Variants in CSTPP1 observed in about 807,000 individuals in gnomAD.
CSTPP1 encodes the protein centriolar satellite-associated tubulin polyglutamylase complex regulator 1.
the CSTPP1 span, among the ~76,000 whole-genome samples, chr11:46,942,178 A>C: frequency 1.3e-5 from 2 of 152,170 alleles, no homozygotes; most frequent in African/African-American, 2.4e-5. Flanking sequence ...TGTAGTGATA[A>C]AAATTGTGTT....
At chr11:47,084,748 C>T in the CSTPP1 span, among the ~76,000 whole-genome samples, 1 of 152,050 alleles carries the variant, frequency 6.6e-6, no homozygotes, top group Non-Finnish European at 1.5e-5. Context: ...TATTCTGTTC[C>T]ATTGATCTAA....
At chr11:46,993,412 C>T in the CSTPP1 span, among the ~76,000 whole-genome samples, 1 of 150,158 alleles carries the variant, frequency 6.7e-6, no homozygotes, top group Non-Finnish European at 1.5e-5. Flanking sequence ...GGTTTTAGGT[C>T]TGACATTTAA....
the CSTPP1 span, among the ~76,000 whole-genome samples, chr11:46,946,169 G>A: frequency 6.6e-6 from 1 of 152,222 alleles, no homozygotes; most frequent in Non-Finnish European, 1.5e-5. Context: ...GCAGAGTGAT[G>A]TCAGTGTTAT....
chr11:47,061,676 C>T, the CSTPP1 span, among the ~76,000 whole-genome samples: 2 of 152,202 alleles, frequency 1.3e-5, no homozygotes, highest in African/African-American at 4.8e-5. Flanking sequence ...CTGCTCCAGC[C>T]AGTGCATCTC....
chr11:47,103,316 C>G, the CSTPP1 span, among the ~76,000 whole-genome samples: 1 of 151,326 alleles, frequency 6.6e-6, no homozygotes, highest in Non-Finnish European at 1.5e-5. Context: ...GGGAGGATTG[C>G]TTGAGCCTGG....
chr11:47,031,415 G>A, the CSTPP1 span, among the ~76,000 whole-genome samples: 1 of 152,140 alleles, frequency 6.6e-6, no homozygotes, highest in South Asian at 2.1e-4. Flanking sequence ...CCTAGAGCTG[G>A]GCATGGTGGC....
chr11:47,051,931 A>G, the CSTPP1 span: 1 of 152,398 alleles, frequency 6.6e-6, no homozygotes, highest in African/African-American at 2.4e-5. Context: ...ACCTCAAGTG[A>G]TCCACCCGCC....
the CSTPP1 span, chr11:47,160,439 A>G: frequency 6.6e-6 from 1 of 152,348 alleles, no homozygotes; most frequent in Non-Finnish European, 1.5e-5. Context: ...TGAAATAGAA[A>G]TCCGGAGATA....
chr11:47,059,994 C>G, the CSTPP1 span, among the ~76,000 whole-genome samples: 1 of 151,606 alleles, frequency 6.6e-6, no homozygotes, highest in African/African-American at 2.4e-5. Flanking sequence ...GTCCCAGCTA[C>G]TCAGGAGGCT....
chr11:47,030,846 A>G, the CSTPP1 span, among the ~76,000 whole-genome samples: 1 of 152,234 alleles, frequency 6.6e-6, no homozygotes, highest in African/African-American at 2.4e-5. Flanking sequence ...TGCAGAGGAC[A>G]TGATCTCATT....
chr11:47,063,374 C>T, the CSTPP1 span, among the ~76,000 whole-genome samples: 1 of 152,028 alleles, frequency 6.6e-6, no homozygotes, highest in South Asian at 2.1e-4. Context: ...TGTACAGTTC[C>T]GTGGCATTAA....
the CSTPP1 span, among the ~76,000 whole-genome samples, chr11:46,969,045 G>A: frequency 2.8e-3 from 425 of 152,216 alleles, 4 homozygotes; most frequent in African/African-American, 9.4e-3. Context: ...ACCACTGTTC[G>A]TTTTTATACT....
At chr11:47,037,209 T>TCAATAGGATAC in the CSTPP1 span, among the ~76,000 whole-genome samples, 1 of 70,388 alleles carries the variant, frequency 1.4e-5, no homozygotes, top group African/African-American at 6.9e-5. Flanking sequence ...TAAAGGATTA[T>TCAATAGGATAC]AACCTATTGA....
At chr11:47,052,386 A>G in the CSTPP1 span, 2 of 1,608,900 alleles carry the variant, frequency 1.2e-6, no homozygotes, top group East Asian at 4.5e-5. Context: ...TTCTCTTTGC[A>G]GTTTTAACAG....
chr11:46,955,355 T>G, the CSTPP1 span, among the ~76,000 whole-genome samples: 120 of 152,002 alleles, frequency 7.9e-4, no homozygotes, highest in African/African-American at 2.4e-3. Flanking sequence ...TGGTTTTTTT[T>G]TTGTTGTTTT....
At chr11:46,968,329 G>A in the CSTPP1 span, among the ~76,000 whole-genome samples, 5 of 144,466 alleles carry the variant, frequency 3.5e-5, no homozygotes, top group South Asian at 1.1e-3. Context: ...CTAGCAAATG[G>A]CATAAATATA....
At chr11:46,990,287 C>T in the CSTPP1 span, among the ~76,000 whole-genome samples, 5 of 152,168 alleles carry the variant, frequency 3.3e-5, no homozygotes, top group Non-Finnish European at 5.9e-5. Flanking sequence ...TCTCAGCAGC[C>T]TTGCCAGCAT....
At chr11:47,149,119 C>T in the CSTPP1 span, among the ~76,000 whole-genome samples, 1 of 152,200 alleles carries the variant, frequency 6.6e-6, no homozygotes, top group African/African-American at 2.4e-5. Flanking sequence ...TTCTCCACTC[C>T]AGTTGCCTGT....
the CSTPP1 span, among the ~76,000 whole-genome samples, chr11:46,996,957 A>T: frequency 6.6e-6 from 1 of 152,154 alleles, no homozygotes; most frequent in Admixed American, 6.5e-5. Flanking sequence ...TTTGCGGGTA[A>T]CCCGACCTTT....
Sources: allele counts gnomAD v4.1 joint callset (sites outside exome capture counted in the v4.1 genomes callset), GRCh38; gene constraint gnomAD v4.1.1; transcripts MANE v1.5; gene names NCBI Gene and HGNC (gene_info 2026-07-23, HGNC 2026-07-21).